FYCO1: variants seen among roughly 807,000 people sequenced by gnomAD.
FYCO1 encodes FYVE and coiled-coil domain autophagy adaptor 1.
Under a neutral mutation model 165.1 loss-of-function variants are expected in FYCO1, and 122 were observed. The observed-to-expected ratio is 0.74, with a 90% CI of 0.64 to 0.86. The LOEUF (loss-of-function observed/expected upper bound fraction) is 0.86, where lower values mean the gene tolerates loss of function less well. Ranked by LOEUF, FYCO1 falls within the 40% of genes least tolerant of loss-of-function variation. The pLI is 0.00. For missense variants in FYCO1, 1,702 were observed against 1,810.3 expected, an observed-to-expected ratio of 0.94 and a Z score of 1.09; for synonymous variants, 648 against 742.5, an observed-to-expected ratio of 0.87 and a Z score of 2.07.
intron 14 of FYCO1, among the ~76,000 whole-genome samples, chr3:45,954,219 G>C (rs139186491): frequency 2.6e-5 from 4 of 151,632 alleles, no homozygotes; most frequent in African/African-American, 4.8e-5. Flanking sequence ...CATTTTTTGG[G>C]GGGGGTAAGG....
At chr3:45,975,367 G>T (rs927477081) in intron 4 of FYCO1, 22 bp from the exon 5 acceptor site, 2 of 1,561,790 alleles carry the variant, frequency 1.3e-6, no homozygotes, top group Non-Finnish European at 1.8e-6. Flanking sequence ...AGATTACATA[G>T]AGCCAAAGAG....
At chr3:45,944,646 T>C (rs1704466857) in intron 14 of FYCO1, among the ~76,000 whole-genome samples, 1 of 152,204 alleles carries the variant, frequency 6.6e-6, no homozygotes, top group Non-Finnish European at 1.5e-5. Context: ...CACAGCACTG[T>C]CCAGGCCCAA....
chr3:45,921,726 G>T lies in FYCO1; in HGVS notation c.*39C>A. On this transcript the variant is annotated 3_prime_UTR_variant, in exon 18 of 18. Coordinates refer to ENST00000296137, the MANE Select transcript of FYCO1 (RefSeq NM_024513.4). ...TATGTGACAGGTGAGGAAGAGCAGT[G>T]TTTCCTGTGGATGAAGTGAAGTTAC... 7.6e-7 allele frequency: 1 copy of T among 1,314,222 alleles called. No individual in the cohort carries two copies. The highest frequency in any genetic ancestry group is 1.1e-6 in the Non-Finnish European group (1 of 906,004). The allele number at this position is 1,314,222 out of a possible 1,614,324, so 81.4% of individuals were successfully genotyped here.
At chr3:45,954,307 G>A (rs1262105861) in intron 14 of FYCO1, among the ~76,000 whole-genome samples, 1 of 152,090 alleles carries the variant, frequency 6.6e-6, no homozygotes. Flanking sequence ...TTCTTCCAGT[G>A]TGGTCCAGGG....
intron 16 of FYCO1, among the ~76,000 whole-genome samples, chr3:45,930,046 G>A (rs1703514864): frequency 6.6e-6 from 1 of 152,142 alleles, no homozygotes; most frequent in African/African-American, 2.4e-5. Flanking sequence ...TTTCTGCAAA[G>A]ACTTCACAGA....
In FYCO1 at chr3:45,967,187, A is replaced by T. The variant is rs1483267271; in HGVS notation, c.2147T>A (p.Val716Glu). 6.2e-7 allele frequency: 1 copy of T among 1,613,390 alleles called. No homozygotes were observed. The highest frequency in any genetic ancestry group is 8.5e-7 in the Non-Finnish European group (1 of 1,179,744). ...TTCTGCCAGTTGCTGGCACTGCTCC[A>T]CCTCCTCCCGCAGCTGCTGACACTC... ...EGECQQLREE[V>E]EQCQQLAEAR... The change falls in exon 8 of 18, where the codon GTG (valine) becomes GAG (glutamate). Residue 716 changes from valine to glutamate, a missense_variant. Val to Glu is a moderately radical substitution (Grantham distance 121, BLOSUM62 -2). Transcript: ENST00000296137.
At chr3:45,981,494 T>G (rs984482922) in intron 3 of FYCO1, 76 bp downstream of exon 3, 1 of 956,344 alleles carries the variant, frequency 1.0e-6, no homozygotes, top group Non-Finnish European at 1.7e-6. Context: ...AACCATATCT[T>G]GAATGCTGAT....
In FYCO1 at chr3:45,962,729, G is replaced by C. The variant is rs986782628; in HGVS notation, c.3270-337C>G. On this transcript the variant is annotated intron_variant, in intron 10 of 17. Coordinates refer to ENST00000296137, the MANE Select transcript of FYCO1 (RefSeq NM_024513.4). This position sits in a 1 kb window ranked among gnomAD's most constrained non-coding sequence, Gnocchi z 4.4. ...TCATGGGCTGGTGATGGGGAGGATG[G>C]GCAGGAGGAGAAAGGAGTCAGGACA... Among the ~76,000 whole-genome samples, 1 of 152,200 alleles carries C rather than the reference G, an allele frequency of 6.6e-6. No homozygotes were observed. Among genetic ancestry groups the C allele is most frequent in the Non-Finnish European group, 1.5e-5 (1 of 68,046 alleles).
intron 13 of FYCO1, among the ~76,000 whole-genome samples, chr3:45,956,214 T>C (rs1030206652): frequency 2.6e-5 from 4 of 151,940 alleles, no homozygotes; most frequent in Admixed American, 6.6e-5. Context: ...CGGGCACCTG[T>C]AATCCCAGCT....
intron 14 of FYCO1, among the ~76,000 whole-genome samples, chr3:45,940,684 T>C (rs114412652): frequency 0.049 from 7,434 of 152,214 alleles, 208 homozygotes; most frequent in Middle Eastern, 0.095. Context: ...ATACTTTACT[T>C]CCATTTGTTC....
chr3:45,985,011 C>G lies in FYCO1; in HGVS notation c.-101G>C. ...CTGTCTGCTCAGCAGTGGTCAGACTCCATGGTGGCACCTGCACAGAGGAAG... is the reference window on the plus strand; with the variant it reads ...CTGTCTGCTCAGCAGTGGTCAGACTGCATGGTGGCACCTGCACAGAGGAAG... On this transcript the variant is annotated 5_prime_UTR_variant, in exon 2 of 18. Transcript: ENST00000296137. 1 of 1,091,060 alleles carries G rather than the reference C, an allele frequency of 9.2e-7. No individual in the cohort carries two copies. Among genetic ancestry groups the G allele is most frequent in the South Asian group, 1.2e-5 (1 of 80,176 alleles). 67.6% of individuals were successfully genotyped at this position (1,091,060 alleles called of 1,614,324 possible).
In FYCO1 at chr3:45,967,155, G is replaced by T. The variant is rs36014492; in HGVS notation, c.2179C>A (p.His727Asn). The T allele has an allele frequency of 3.2e-3, 5,193 of 1,613,370 alleles. 137 individuals are homozygous for T. In the African/African-American group the frequency reaches 0.056, roughly 17 times the overall value. ...EQCQQLAEAR[H>N]RELRALESQC... Reference sequence around the variant, plus strand: ...CTCTCGAGAGCCCTAAGCTCTCTGTGCCGGGCTTCTGCCAGTTGCTGGCAC... The same window carrying T: ...CTCTCGAGAGCCCTAAGCTCTCTGTTCCGGGCTTCTGCCAGTTGCTGGCAC... Residue 727 changes from histidine to asparagine, a missense_variant, in exon 8 of 18, where the codon CAC becomes AAC. His to Asn is a moderately conservative substitution (Grantham distance 68). Transcript: ENST00000296137.
At chr3:45,970,182 C>T (rs1488229162) in intron 6 of FYCO1, among the ~76,000 whole-genome samples, 5 of 152,188 alleles carry the variant, frequency 3.3e-5, no homozygotes, top group Non-Finnish European at 2.9e-5. Flanking sequence ...GGGAGGCCTG[C>T]TTCTAGGTCA....
Position 45,918,624 on chromosome 3 carries a change from C to G in FYCO1, c.*3141G>C, listed in dbSNP as rs568829179. 2.0e-5 allele frequency: 3 copies of G among 152,244 alleles called. No individual in the cohort carries two copies. The highest frequency in any genetic ancestry group is 6.5e-5 in the Admixed American group (1 of 15,290). 9.4% of individuals were successfully genotyped at this position (152,244 alleles called of 1,614,324 possible). The stretch of plus-strand genomic sequence containing the variant: ...TAAAATTTCATCAGTGGACATCCAA[C>G]CATATCATAAAACACAGGCTCTGTG... On this transcript the variant is annotated 3_prime_UTR_variant, in exon 18 of 18. Coordinates refer to ENST00000296137, the MANE Select transcript of FYCO1 (RefSeq NM_024513.4).
intron 14 of FYCO1, among the ~76,000 whole-genome samples, chr3:45,944,754 A>G (rs748430873): frequency 6.6e-6 from 1 of 152,246 alleles, no homozygotes; most frequent in Non-Finnish European, 1.5e-5. Flanking sequence ...ATAAGGGACC[A>G]GCAAAAGCTG....
At position 45,924,349 on chromosome 3, in the gene FYCO1, C is replaced by T. The variant is rs1280179736; in HGVS notation, c.4252-584G>A. ...GCCTCAGCCTCCTATTCACTCTCTG[C>T]CTTCCCTGAGAATGAGAAATTAGTC... On this transcript the variant is annotated intron_variant, in intron 16 of 17. Transcript: ENST00000296137. Among the ~76,000 whole-genome samples the T allele has an allele frequency of 2.6e-5, 4 of 152,134 alleles. No homozygotes were observed. The East Asian group carries it at 7.7e-4, about 29-fold the overall frequency.
rs149179310 is a variant in FYCO1, at chr3:45,924,264, T to A, written c.4252-499A>T. Reference sequence around the variant, plus strand: ...ATCTCTGGCTCCACCTAGGCCTGTCTCCTGGCTGTGCTTTGGCTGGTCCAT... The same window carrying A: ...ATCTCTGGCTCCACCTAGGCCTGTCACCTGGCTGTGCTTTGGCTGGTCCAT... On this transcript the variant is annotated intron_variant, in intron 16 of 17. Transcript: ENST00000296137. Among the ~76,000 whole-genome samples, 291 of 152,290 alleles carry A rather than the reference T, an allele frequency of 1.9e-3. 1 individual carries two copies. The highest frequency in any genetic ancestry group is 6.8e-3 in the African/African-American group (283 of 41,568).
chr3:45,984,017 T>C (rs1329186671), intron 2 of FYCO1, among the ~76,000 whole-genome samples: 3 of 152,168 alleles, frequency 2.0e-5, no homozygotes, highest in African/African-American at 7.2e-5. Context: ...GCCCAAGCAG[T>C]TAGAAGCCTG....
chr3:45,955,199 G>A lies in FYCO1; in HGVS notation c.3944+50C>T, dbSNP rs59534550. The A allele has an allele frequency of 6.2e-6, 10 of 1,601,120 alleles. No homozygotes were observed. The African/African-American group carries it at 1.3e-4, about 21-fold the overall frequency. On this transcript the variant is annotated intron_variant, in intron 14 of 17. Coordinates refer to ENST00000296137, the MANE Select transcript of FYCO1 (RefSeq NM_024513.4). ...CTCATCCTTTGATAAGAAAGCACAGGGGCCAGGCCTGTAATGAGCACTCAG... is the reference window on the plus strand; with the variant it reads ...CTCATCCTTTGATAAGAAAGCACAGAGGCCAGGCCTGTAATGAGCACTCAG...
Sources: allele counts gnomAD v4.1 joint callset (sites outside exome capture counted in the v4.1 genomes callset), GRCh38; gene constraint gnomAD v4.1.1; non-coding constraint Gnocchi (gnomAD v3.1); transcripts MANE v1.5; gene names NCBI Gene and HGNC (gene_info 2026-07-23, HGNC 2026-07-21).